The following SCN7A variants were observed in gnomAD, a reference collection of about 807,000 sequenced individuals.
SCN7A encodes sodium voltage-gated channel alpha subunit 7, also known as sodium channel protein type 7 subunit alpha.
In SCN7A, 138 loss-of-function variants were observed where a neutral mutation model predicts 155.2. The observed-to-expected ratio is 0.89, with a 90% confidence interval of 0.77 to 1.02. The LOEUF (loss-of-function observed/expected upper bound fraction) is 1.02, where lower values mean the gene tolerates loss of function less well. Ranked by LOEUF, SCN7A falls within the 50% of genes least tolerant of loss-of-function variation. SCN7A has a pLI of 0.00. For missense variants in SCN7A, 2,058 were observed against 1,986.6 expected (o/e 1.04, Z -0.68); for synonymous variants, 693 against 649.0 (o/e 1.07, Z -1.03).
intron 2 of SCN7A, among the ~76,000 whole-genome samples, chr2:166,480,474 A>G (rs1186963626): frequency 6.7e-6 from 1 of 148,440 alleles, no homozygotes; most frequent in Non-Finnish European, 1.5e-5. Context: ...AAAAAACAAA[A>G]AAACAAAAAA....
chr2:166,406,023 T>C lies in SCN7A; in HGVS notation c.4606A>G (p.Ser1536Gly). Residue 1536 changes from serine to glycine, a missense_variant, in exon 26 of 26, where the codon AGC (serine) becomes GGC (glycine). Ser to Gly is a moderately conservative substitution (Grantham distance 56). Transcript: ENST00000643258. Reference sequence around the variant, plus strand: ...GCAGCTGCAAAATCTGAAAGCTTGCTAGAGTCTATGTACTGGGTCCTATCA... The same window carrying C: ...GCAGCTGCAAAATCTGAAAGCTTGCCAGAGTCTATGTACTGGGTCCTATCA... Reference protein sequence around the residue: ...DPDRTQYIDSSKLSDFAAALD... With the variant: ...DPDRTQYIDSGKLSDFAAALD... 1 of 1,612,974 alleles carries C rather than the reference T, an allele frequency of 6.2e-7. No homozygotes were observed. Among genetic ancestry groups the C allele is most frequent in the Non-Finnish European group, 8.5e-7 (1 of 1,179,398 alleles).
At chr2:166,431,201 G>GT (rs1452385350) in intron 16 of SCN7A, among the ~76,000 whole-genome samples, 1 of 152,070 alleles carries the variant, frequency 6.6e-6, no homozygotes, top group East Asian at 1.9e-4. Flanking sequence ...AGTGTGCTGA[G>GT]TAAGAATTTA....
chr2:166,437,794 G>A (rs1319013001), intron 15 of SCN7A, among the ~76,000 whole-genome samples: 2 of 152,074 alleles, frequency 1.3e-5, no homozygotes, highest in Admixed American at 1.3e-4. Context: ...TTTCAGACTT[G>A]CATGGTGGCT....
intron 10 of SCN7A, among the ~76,000 whole-genome samples, chr2:166,461,241 G>A (rs1037533617): frequency 2.6e-5 from 4 of 151,744 alleles, no homozygotes; most frequent in African/African-American, 7.3e-5. Flanking sequence ...ACCAAAATAA[G>A]CATGGACTGG....
Position 166,441,477 on chromosome 2 carries a change from G to A in SCN7A, c.2076C>T (p.Thr692=), listed in dbSNP as rs1701958057. ...FRILCGEWVE[T]LWDCMEVAGQ... Reference sequence around the variant, plus strand: ...CTGCAACCTCCATACAGTCCCACAAGGTCTCTACCCACTCTCCACAGAGAA... The same window carrying A: ...CTGCAACCTCCATACAGTCCCACAAAGTCTCTACCCACTCTCCACAGAGAA... Residue 692 remains threonine (T), a synonymous_variant, in exon 15 of 26, where the codon ACC becomes ACT. Transcript: ENST00000643258. The A allele has an allele frequency of 6.2e-7, 1 of 1,613,888 alleles. No homozygotes were observed. The highest frequency in any genetic ancestry group is 1.3e-5 in the African/African-American group (1 of 74,910).
chr2:166,451,671 AT>A (rs1039656914), intron 11 of SCN7A, among the ~76,000 whole-genome samples: 3 of 152,206 alleles, frequency 2.0e-5, no homozygotes, highest in African/African-American at 7.2e-5. Context: ...CACTCCATCT[AT>A]TTAGCCTGGA....
intron 25 of SCN7A, among the ~76,000 whole-genome samples, chr2:166,407,172 T>C (rs1417404830): frequency 6.6e-5 from 10 of 152,140 alleles, no homozygotes; most frequent in Non-Finnish European, 1.3e-4. Flanking sequence ...CATTCAGTGA[T>C]TCATAGATTG....
At chr2:166,458,997 G>C (rs570700170) in intron 10 of SCN7A, among the ~76,000 whole-genome samples, 1 of 152,220 alleles carries the variant, frequency 6.6e-6, no homozygotes, top group Admixed American at 6.5e-5. Context: ...TAGGTCATAT[G>C]CAAATTCAAT....
In SCN7A at chr2:166,429,240, G is replaced by C. The variant is rs534432633; in HGVS notation, c.2627C>G (p.Thr876Ser). 103 of 1,545,256 alleles carry C rather than the reference G, an allele frequency of 6.7e-5. 3 individuals are homozygous for C. The South Asian group carries it at 1.2e-3, about 18-fold the overall frequency. ...TTCTTCAGAGATAGCAATATCAACAGTACTGCATTCAGATGAGCTAGATTG... is the reference window on the plus strand; with the variant it reads ...TTCTTCAGAGATAGCAATATCAACACTACTGCATTCAGATGAGCTAGATTG... ...IKQSSSSECS[T>S]VDIAISEEEE... The change falls in exon 17 of 26, where the codon ACT becomes AGT. Residue 876 changes from threonine (T) to serine (S), a missense_variant. Physicochemically the swap from Thr to Ser is moderately conservative, Grantham distance 58. Transcript: ENST00000643258.
At chr2:166,442,417 C>G (rs955505174) in intron 14 of SCN7A, among the ~76,000 whole-genome samples, 5 of 152,044 alleles carry the variant, frequency 3.3e-5, no homozygotes, top group Admixed American at 2.0e-4. Flanking sequence ...TTGACAGAGT[C>G]TCTCTCTGTC....
chr2:166,413,981 G>GTGTATATATATATATATATATA (rs1553513525), intron 21 of SCN7A, among the ~76,000 whole-genome samples: 26 of 53,500 alleles, frequency 4.9e-4, no homozygotes, highest in East Asian at 8.5e-4. Flanking sequence ...ATGTGTATGT[G>GTGTATATATATATATATATATA]TATATATATA....
chr2:166,443,449 A>G, intron 14 of SCN7A, 54 bp downstream of exon 14: 1 of 1,451,356 alleles, frequency 6.9e-7, no homozygotes, highest in Non-Finnish European at 9.3e-7. Flanking sequence ...TTATGTCTGC[A>G]GACACTGAGA....
At chr2:166,483,978 T>C (rs1032060664) in intron 2 of SCN7A, among the ~76,000 whole-genome samples, 1 of 152,030 alleles carries the variant, frequency 6.6e-6, no homozygotes, top group African/African-American at 2.4e-5. Context: ...CTATTATTTT[T>C]TGTTATTCTG....
intron 7 of SCN7A, among the ~76,000 whole-genome samples, chr2:166,466,609 T>C (rs1207101708): frequency 6.6e-6 from 1 of 152,018 alleles, no homozygotes; most frequent in African/African-American, 2.4e-5. Context: ...AAAAATAACA[T>C]AATCATATCT....
intron 12 of SCN7A, among the ~76,000 whole-genome samples, chr2:166,446,097 A>C (rs1702057302): frequency 2.6e-5 from 4 of 152,192 alleles, no homozygotes; most frequent in Admixed American, 2.6e-4. Context: ...GACAACCTAC[A>C]GAATGGGAGA....
chr2:166,430,672 T>C (rs12622292), intron 16 of SCN7A, among the ~76,000 whole-genome samples: 42,840 of 151,696 alleles, frequency 0.28, 6,491 homozygotes, highest in Non-Finnish European at 0.34. Flanking sequence ...GACCATGATA[T>C]ACTTCTGCAT....
chr2:166,473,033 G>A (rs1702694004), intron 5 of SCN7A, among the ~76,000 whole-genome samples: 1 of 151,690 alleles, frequency 6.6e-6, no homozygotes, highest in African/African-American at 2.4e-5. Context: ...TTAGAGGGTG[G>A]GAGGAGAGAG....
intron 12 of SCN7A, among the ~76,000 whole-genome samples, chr2:166,445,610 G>C (rs1157809241): frequency 1.3e-5 from 2 of 151,842 alleles, no homozygotes; most frequent in Non-Finnish European, 2.9e-5. Flanking sequence ...TTTTTTGTCT[G>C]TTAAACTTTC....
chr2:166,409,261 A>G (rs1559084541), intron 25 of SCN7A, among the ~76,000 whole-genome samples: 1 of 152,034 alleles, frequency 6.6e-6, no homozygotes, highest in Admixed American at 6.6e-5. Flanking sequence ...CTAATGTTGT[A>G]TAAGTTGTAA....
Sources: allele counts gnomAD v4.1 joint callset (sites outside exome capture counted in the v4.1 genomes callset), GRCh38; gene constraint gnomAD v4.1.1; transcripts MANE v1.5; gene names NCBI Gene and HGNC (gene_info 2026-07-23, HGNC 2026-07-21).